Variants in PAX2 observed in about 807,000 individuals in gnomAD.
PAX2 encodes paired box 2.
Under a neutral mutation model 41.7 loss-of-function variants are expected in PAX2, and 9 were observed. The observed-to-expected ratio is 0.22, with a 90% CI of 0.13 to 0.38. The LOEUF is 0.38. PAX2 is among the 10% of genes least tolerant of loss of function. The pLI, the probability that PAX2 is intolerant of heterozygous loss-of-function variation, is 1.00. For missense variants in PAX2, 418 were observed against 531.6 expected, an observed-to-expected ratio of 0.79 and a Z score of 2.10; for synonymous variants, 221 against 212.7, an observed-to-expected ratio of 1.04 and a Z score of -0.34.
At chr10:100,815,324 A>G (rs1848152921) in intron 7 of PAX2, among the ~76,000 whole-genome samples, 1 of 152,140 alleles carries the variant, frequency 6.6e-6, no homozygotes, top group Non-Finnish European at 1.5e-5. Flanking sequence ...TAGCTAGAGG[A>G]ATTTAGGGCA....
chr10:100,742,413 A>G (rs867738987), upstream of PAX2, among the ~76,000 whole-genome samples: 18 of 151,626 alleles, frequency 1.2e-4, no homozygotes, highest in South Asian at 2.1e-4. Flanking sequence ...CGGCCCAGCC[A>G]GAAAACCAGG....
At chr10:100,799,998 G>A (rs191591340) in intron 5 of PAX2, among the ~76,000 whole-genome samples, 2 of 151,934 alleles carry the variant, frequency 1.3e-5, no homozygotes, top group Admixed American at 1.3e-4. Context: ...TGTTGGCCAG[G>A]CTGGTCTCGA....
intron 3 of PAX2, among the ~76,000 whole-genome samples, chr10:100,761,535 G>A (rs922249434): frequency 3.9e-5 from 6 of 152,172 alleles, no homozygotes; most frequent in African/African-American, 9.7e-5. Flanking sequence ...TAGAAAAGGC[G>A]ATTCCAGCAT....
intron 3 of PAX2, among the ~76,000 whole-genome samples, chr10:100,765,594 T>C (rs977873316): frequency 1.3e-5 from 2 of 152,220 alleles, no homozygotes; most frequent in African/African-American, 4.8e-5. Flanking sequence ...TACATTTTTC[T>C]TGTAGTACGA....
intron 7 of PAX2, among the ~76,000 whole-genome samples, chr10:100,821,353 G>A (rs1022097322): frequency 3.3e-5 from 5 of 152,198 alleles, no homozygotes; most frequent in African/African-American, 1.2e-4. Flanking sequence ...ACTCCTTTGT[G>A]GAGATACTGG....
chr10:100,777,168 C>G (rs1846422478), intron 3 of PAX2, among the ~76,000 whole-genome samples: 1 of 145,304 alleles, frequency 6.9e-6, no homozygotes, highest in African/African-American at 2.5e-5. Context: ...GAGGCACAAT[C>G]TCAGCTCACT....
chr10:100,810,132 C>T (rs1489725639), intron 7 of PAX2, among the ~76,000 whole-genome samples: 1 of 150,716 alleles, frequency 6.6e-6, no homozygotes, highest in African/African-American at 2.4e-5. Flanking sequence ...GATTGGGAGA[C>T]ACTGAGGCGT....
chr10:100,789,711 A>T (rs1847022423), intron 5 of PAX2, among the ~76,000 whole-genome samples: 1 of 152,180 alleles, frequency 6.6e-6, no homozygotes, highest in African/African-American at 2.4e-5. Flanking sequence ...GGGAAAAAAA[A>T]CTCATTTATG....
chr10:100,760,743 C>T (rs1369812600), intron 3 of PAX2, among the ~76,000 whole-genome samples: 1 of 131,442 alleles, frequency 7.6e-6, no homozygotes, highest in Non-Finnish European at 1.5e-5. Context: ...CCTCTTTCTC[C>T]TCCTCCTCCT....
intron 1 of PAX2, 101 bp from the exon 2 acceptor site, chr10:100,749,645 G>A (rs778796089): frequency 1.3e-6 from 2 of 1,522,066 alleles, no homozygotes; most frequent in Non-Finnish European, 1.8e-6. Context: ...ATGCCCTTCC[G>A]CCCTGCCTGC....
rs1424650889 is a variant in PAX2, at chr10:100,779,525, T to C, written c.438T>C (p.Pro146=). ...NRIIRTKVQQ[P]FHPTPDGAGT... ...TCATCCGGACCAAAGTTCAGCAGCC[T>C]TTCCACCCAACGCCGGATGGGGCTG... Residue 146 remains proline (P), a synonymous_variant, in exon 4 of 10, where the codon CCT becomes CCC. Coordinates refer to ENST00000355243, the MANE Select transcript of PAX2 (RefSeq NM_000278.5). 7 of 1,597,228 alleles carry C rather than the reference T, an allele frequency of 4.4e-6. No homozygotes were observed. Among genetic ancestry groups the C allele is most frequent in the Non-Finnish European group, 5.1e-6 (6 of 1,172,364 alleles).
At chr10:100,818,914 G>A (rs576152095) in intron 7 of PAX2, among the ~76,000 whole-genome samples, 3 of 152,256 alleles carry the variant, frequency 2.0e-5, no homozygotes, top group South Asian at 2.1e-4. Flanking sequence ...AATCTCAGAC[G>A]TAATATTTGG....
Position 100,827,218 on chromosome 10 carries a change from C to T in PAX2, c.1108+123C>T, listed in dbSNP as rs1221868617. On this transcript the variant is annotated intron_variant, in intron 9 of 9. Coordinates refer to ENST00000355243, the MANE Select transcript of PAX2 (RefSeq NM_000278.5). The surrounding 1 kb of genome is among the most constrained non-coding windows in gnomAD (Gnocchi z 8.5). ...GGCCAGGGGGACAGGCTTGTTAGTG[C>T]AGCACTGAGGCCCGGGGACCCCTCG... is the stretch of plus-strand genomic sequence containing the variant. The T allele has an allele frequency of 5.5e-5, 44 of 805,266 alleles. No homozygotes were observed. In the South Asian group the frequency reaches 5.8e-4, roughly 11 times the overall value. The allele number at this position is 805,266 out of a possible 1,614,324, so 49.9% of individuals were successfully genotyped here.
At position 100,749,357 on chromosome 10, in the gene PAX2, G is replaced by C; in HGVS notation, c.44-389G>C. Reference sequence around the variant, plus strand: ...TTGCCTGCGGCGCAGGCGGGATGCTGCTTCGCACTAGTCCAGTCCTCTGCC... The same window carrying C: ...TTGCCTGCGGCGCAGGCGGGATGCTCCTTCGCACTAGTCCAGTCCTCTGCC... On this transcript the variant is annotated intron_variant, in intron 1 of 9. Coordinates refer to ENST00000355243, the MANE Select transcript of PAX2 (RefSeq NM_000278.5). 7 of 1,026,004 alleles carry C rather than the reference G, an allele frequency of 6.8e-6. 1 individual carries two copies. The South Asian group carries it at 3.1e-4, about 46-fold the overall frequency. 63.6% of individuals were successfully genotyped at this position (1,026,004 alleles called of 1,614,324 possible). A position where few individuals can be genotyped will look rare whatever the true frequency, so the allele number is the denominator to read the frequency against.
chr10:100,804,823 T>C (rs949611443), intron 5 of PAX2, among the ~76,000 whole-genome samples: 14 of 152,216 alleles, frequency 9.2e-5, no homozygotes, highest in African/African-American at 3.4e-4. Context: ...CCCGTAAGAC[T>C]GAAATGATTC....
chr10:100,751,295 G>A (rs1415546483), intron 3 of PAX2, among the ~76,000 whole-genome samples: 3 of 152,166 alleles, frequency 2.0e-5, no homozygotes, highest in African/African-American at 7.2e-5. Flanking sequence ...TTCCCCAGGG[G>A]CCGCCGCTTG....
At chr10:100,803,304 G>A (rs780770486) in intron 5 of PAX2, among the ~76,000 whole-genome samples, 9 of 151,616 alleles carry the variant, frequency 5.9e-5, no homozygotes, top group African/African-American at 9.7e-5. Context: ...GCCCTTCCAC[G>A]CCTCTGGGCT....
chr10:100,783,525 C>T (rs962063988), intron 5 of PAX2, among the ~76,000 whole-genome samples: 5 of 152,066 alleles, frequency 3.3e-5, no homozygotes, highest in Admixed American at 3.3e-4. Flanking sequence ...ACCAGAAGGC[C>T]CTTTGGCCAG....
upstream of PAX2, among the ~76,000 whole-genome samples, chr10:100,742,032 C>T (rs956429650): frequency 6.6e-6 from 1 of 152,212 alleles, no homozygotes; most frequent in African/African-American, 2.4e-5. Flanking sequence ...CTCCGTCTCA[C>T]CAAGGCTCAG....
Sources: allele counts gnomAD v4.1 joint callset (sites outside exome capture counted in the v4.1 genomes callset), GRCh38; gene constraint gnomAD v4.1.1; non-coding constraint Gnocchi (gnomAD v3.1); transcripts MANE v1.5; gene names NCBI Gene and HGNC (gene_info 2026-07-23, HGNC 2026-07-21).